Variants in FZD1 observed in about 807,000 individuals in gnomAD.
The protein encoded by FZD1 is frizzled-1.
FZD1 carries 22 observed loss-of-function variants against 48.0 expected under a neutral mutation model. The observed-to-expected ratio is 0.46, with a 90% CI of 0.33 to 0.65. The LOEUF is 0.65. Among genes scored for constraint, FZD1 ranks in the 30% least tolerant of loss-of-function variants. The pLI, the probability that FZD1 is intolerant of heterozygous loss-of-function variation, is 0.02. For missense variants in FZD1, 843 were observed against 898.1 expected, an observed-to-expected ratio of 0.94 and a Z score of 0.78; for synonymous variants, 486 against 409.6, an observed-to-expected ratio of 1.19 and a Z score of -2.25.
Position 91,266,049 on chromosome 7 carries a change from C to T in FZD1, c.1169C>T (p.Ala390Val), listed in dbSNP as rs746987223. Reference sequence around the variant, plus strand: ...AATGACAAGTTCGCCGAGGACGGGGCACGCACTGTGGCGCAGGGCACCAAG... The same window carrying T: ...AATGACAAGTTCGCCGAGGACGGGGTACGCACTGTGGCGCAGGGCACCAAG... ...VCNDKFAEDG[A>V]RTVAQGTKKE... The change falls in exon 1 of 1, where the codon GCA becomes GTA. Residue 390 changes from alanine (A) to valine (V), a missense_variant. Physicochemically the swap from Ala to Val is moderately conservative, Grantham distance 64 (BLOSUM62 0). Around this residue, in one of 2 missense-constraint regions of FZD1, gnomAD observed 353 missense variants for 431.6 expected, o/e 0.82. Transcript: ENST00000287934. This position sits in a 1 kb window ranked among gnomAD's most constrained non-coding sequence, Gnocchi z 6.8. 5.0e-6 allele frequency: 8 copies of T among 1,614,070 alleles called. No homozygotes were observed. In the African/African-American group the frequency reaches 1.1e-4, roughly 22 times the overall value.
rs553283743 is a variant in FZD1 at position 91,266,986 on chromosome 7, G to A, written c.*162G>A. ...CAACTCAGCTCCTGCAAAAGCTTCC[G>A]TCCCTGAGGCAAAAGGACACGAGGG... On this transcript the variant is annotated 3_prime_UTR_variant, in exon 1 of 1. Coordinates refer to ENST00000287934, the MANE Select transcript of FZD1 (RefSeq NM_003505.2). The surrounding 1 kb of genome is among the most constrained non-coding windows in gnomAD (Gnocchi z 6.8). 21 of 588,460 alleles carry A rather than the reference G, an allele frequency of 3.6e-5. No individual in the cohort carries two copies. The East Asian group carries it at 5.7e-4, about 16-fold the overall frequency. The allele number at this position is 588,460 out of a possible 1,614,324, so 36.5% of individuals were successfully genotyped here. A position where few individuals can be genotyped will look rare whatever the true frequency, so the allele number is the denominator to read the frequency against.
Position 91,268,236 on chromosome 7 carries a change from A to T in FZD1, c.*1412A>T, listed in dbSNP as rs145430119. On this transcript the variant is annotated 3_prime_UTR_variant, in exon 1 of 1. Transcript: ENST00000287934. ...CAGCAGCACATTCTGAGGGGGGAAC[A>T]ATTCACACCACCAATAATAACCTGG... 6.0e-6 allele frequency: 1 copy of T among 167,114 alleles called. No individual in the cohort carries two copies. The highest frequency in any genetic ancestry group is 2.4e-5 in the African/African-American group (1 of 41,580). The allele number at this position is 167,114 out of a possible 1,614,324, so 10.4% of individuals were successfully genotyped here.
chr7:91,270,083 G>A lies in FZD1; in HGVS notation c.*3259G>A, dbSNP rs546097721. 50 of 167,094 alleles carry A rather than the reference G, an allele frequency of 3.0e-4. No individual in the cohort carries two copies. The highest frequency in any genetic ancestry group is 1.1e-3 in the African/African-American group (47 of 41,532). 10.4% of individuals were successfully genotyped at this position (167,094 alleles called of 1,614,324 possible). A position where few individuals can be genotyped will look rare whatever the true frequency, so the allele number is the denominator to read the frequency against. ...TTTAATACTGGTGGCAAAATAGGAC[G>A]TGTCTGGAAAACCATAAGGCTACTT... On this transcript the variant is annotated 3_prime_UTR_variant, in exon 1 of 1. Transcript: ENST00000287934.
chr7:91,268,616 A>C lies in FZD1; in HGVS notation c.*1792A>C. 6.0e-6 allele frequency: 1 copy of C among 166,874 alleles called. No homozygotes were observed. The allele number at this position is 166,874 out of a possible 1,614,324, so 10.3% of individuals were successfully genotyped here. Reference sequence around the variant, plus strand: ...AATTTGGTATACATTTATTCTGTTCACTATCACAAAATCATCTATATTTAT... The same window carrying C: ...AATTTGGTATACATTTATTCTGTTCCCTATCACAAAATCATCTATATTTAT... On this transcript the variant is annotated 3_prime_UTR_variant, in exon 1 of 1. Transcript: ENST00000287934.
Position 91,265,035 on chromosome 7 carries a change from C to A in FZD1, c.155C>A (p.Ala52Glu). Residue 52 changes from alanine to glutamate, a missense_variant, in exon 1 of 1, where the codon GCG becomes GAG. This residue lies in a region of FZD1 where 490 missense variants were observed against 466.5 expected (regional missense o/e 1.05). Transcript: ENST00000287934. This position sits in a 1 kb window ranked among gnomAD's most constrained non-coding sequence, Gnocchi z 6.9. The stretch of plus-strand genomic sequence containing the variant: ...CCGCCAGTTGACCCCCGGCGATTGG[C>A]GCGCCAGCTGCTGCTGCTGCTTTGG... ...RRPPVDPRRL[A>E]RQLLLLLWLL... 7.1e-7 allele frequency: 1 copy of A among 1,403,754 alleles called. No homozygotes were observed. The highest frequency in any genetic ancestry group is 1.5e-5 in the South Asian group (1 of 64,854). The allele number at this position is 1,403,754 out of a possible 1,614,324, so 87.0% of individuals were successfully genotyped here.
In FZD1 at chr7:91,266,952, T is replaced by A. The variant is rs536585977; in HGVS notation, c.*128T>A. The stretch of plus-strand genomic sequence containing the variant: ...CACTAGACAACTCTCTTTCGCAGGC[T>A]CCTTTGAACAACTCAGCTCCTGCAA... On this transcript the variant is annotated 3_prime_UTR_variant, in exon 1 of 1. Transcript: ENST00000287934. The surrounding 1 kb of genome is among the most constrained non-coding windows in gnomAD (Gnocchi z 6.8). 4.6e-6 allele frequency: 3 copies of A among 659,092 alleles called. No individual in the cohort carries two copies. In the South Asian group the frequency reaches 5.9e-5, roughly 13 times the overall value. The allele number at this position is 659,092 out of a possible 1,614,324, so 40.8% of individuals were successfully genotyped here.
chr7:91,265,234 C>T lies in FZD1; in HGVS notation c.354C>T (p.Pro118=). The change falls in exon 1 of 1, where the codon CCC becomes CCT. Residue 118 remains proline (P), a synonymous_variant. Coordinates refer to ENST00000287934, the MANE Select transcript of FZD1 (RefSeq NM_003505.2). This position sits in a 1 kb window ranked among gnomAD's most constrained non-coding sequence, Gnocchi z 6.9. ...ISVPDHGYCQ[P]ISIPLCTDIA... ...TCCCGGACCACGGCTATTGCCAGCCCATCTCCATCCCGCTGTGCACGGACA... is the reference window on the plus strand; with the variant it reads ...TCCCGGACCACGGCTATTGCCAGCCTATCTCCATCCCGCTGTGCACGGACA... 6.2e-7 allele frequency: 1 copy of T among 1,614,090 alleles called. No homozygotes were observed. The highest frequency in any genetic ancestry group is 8.5e-7 in the Non-Finnish European group (1 of 1,179,964).
rs1377959136 is a variant in FZD1 at position 91,265,889 on chromosome 7, A to G, written c.1009A>G (p.Thr337Ala). ...SVLCCASTLF[T>A]VLTYLVDMRR... The stretch of plus-strand genomic sequence containing the variant: ...GCTGTGCTGCGCCTCCACGCTCTTC[A>G]CGGTGCTTACGTACCTGGTGGACAT... Residue 337 changes from threonine to alanine, a missense_variant, in exon 1 of 1, where the codon ACG becomes GCG. Physicochemically the swap from Thr to Ala is moderately conservative, Grantham distance 58. Coordinates refer to ENST00000287934, the MANE Select transcript of FZD1 (RefSeq NM_003505.2). The surrounding 1 kb of genome is among the most constrained non-coding windows in gnomAD (Gnocchi z 6.9). 2.5e-6 allele frequency: 4 copies of G among 1,613,924 alleles called. No individual in the cohort carries two copies. The highest frequency in any genetic ancestry group is 2.2e-5 in the East Asian group (1 of 44,870).
At position 91,264,958 on chromosome 7, in the gene FZD1, C is replaced by G. The variant is rs1404673670; in HGVS notation, c.78C>G (p.Leu26=). 10 of 1,358,622 alleles carry G rather than the reference C, an allele frequency of 7.4e-6. No individual in the cohort carries two copies. The highest frequency in any genetic ancestry group is 9.4e-6 in the Non-Finnish European group (10 of 1,059,108). The allele number at this position is 1,358,622 out of a possible 1,614,324, so 84.2% of individuals were successfully genotyped here. A position where few individuals can be genotyped will look rare whatever the true frequency, so the allele number is the denominator to read the frequency against. Residue 26 remains leucine (L), a synonymous_variant, in exon 1 of 1, where the codon CTC becomes CTG. Transcript: ENST00000287934. ...GCTGGGAACTTTGTGCCGGGGCGCT[C>G]TCGGCCCGGCTGGCGGAGGAGGGCA... The part of the protein sequence containing the change: ...GASWELCAGA[L]SARLAEEGSG...
In FZD1 at chr7:91,268,104, C is replaced by T. The variant is rs772898816; in HGVS notation, c.*1280C>T. Reference sequence around the variant, plus strand: ...GATATTTCAGTGTCATGGACTTCCTCAAAATGAAGTGCTATTTTCTTATTT... The same window carrying T: ...GATATTTCAGTGTCATGGACTTCCTTAAAATGAAGTGCTATTTTCTTATTT... On this transcript the variant is annotated 3_prime_UTR_variant, in exon 1 of 1. Coordinates refer to ENST00000287934, the MANE Select transcript of FZD1 (RefSeq NM_003505.2). 4.2e-5 allele frequency: 7 copies of T among 166,990 alleles called. No homozygotes were observed. The highest frequency in any genetic ancestry group is 1.0e-4 in the Non-Finnish European group (7 of 68,118). 10.3% of individuals were successfully genotyped at this position (166,990 alleles called of 1,614,324 possible).
chr7:91,270,420 C>T lies in FZD1; in HGVS notation c.*3596C>T, dbSNP rs1803951296. On this transcript the variant is annotated 3_prime_UTR_variant, in exon 1 of 1. Coordinates refer to ENST00000287934, the MANE Select transcript of FZD1 (RefSeq NM_003505.2). ...TTTTCAGCTTGTCCTATGGTAGTCA[C>T]TTGTCAGCCTGAGTTTACTGGCCTG... The T allele has an allele frequency of 6.0e-6, 1 of 167,038 alleles. No homozygotes were observed. Among genetic ancestry groups the T allele is most frequent in the Admixed American group, 6.5e-5 (1 of 15,282 alleles). 10.3% of individuals were successfully genotyped at this position (167,038 alleles called of 1,614,324 possible).
chr7:91,266,542 C>G lies in FZD1; in HGVS notation c.1662C>G (p.Cys554Trp). ...YTVPATIVIA[C>W]YFYEQAFRDQ... is the part of the protein sequence containing the mutation. ...TGCCAGCCACCATCGTCATCGCCTG[C>G]TACTTCTACGAGCAGGCCTTCCGGG... is the stretch of plus-strand genomic sequence containing the variant. The change falls in exon 1 of 1, where the codon TGC becomes TGG. Residue 554 changes from cysteine to tryptophan, a missense_variant. Physicochemically the swap from Cys to Trp is radical, Grantham distance 215. Coordinates refer to ENST00000287934, the MANE Select transcript of FZD1 (RefSeq NM_003505.2). The surrounding 1 kb of genome is among the most constrained non-coding windows in gnomAD (Gnocchi z 6.8). 1 of 1,614,018 alleles carries G rather than the reference C, an allele frequency of 6.2e-7. No homozygotes were observed. Among genetic ancestry groups the G allele is most frequent in the Non-Finnish European group, 8.5e-7 (1 of 1,180,038 alleles).
chr7:91,265,247 C>G lies in FZD1; in HGVS notation c.367C>G (p.Leu123Val). 2.5e-6 allele frequency: 4 copies of G among 1,614,128 alleles called. No homozygotes were observed. Among genetic ancestry groups the G allele is most frequent in the Non-Finnish European group, 3.4e-6 (4 of 1,179,976 alleles). Reference sequence around the variant, plus strand: ...CTATTGCCAGCCCATCTCCATCCCGCTGTGCACGGACATCGCGTACAACCA... The same window carrying G: ...CTATTGCCAGCCCATCTCCATCCCGGTGTGCACGGACATCGCGTACAACCA... ...HGYCQPISIP[L>V]CTDIAYNQTI... The change falls in exon 1 of 1, where the codon CTG (leucine) becomes GTG (valine). Residue 123 changes from leucine (L) to valine (V), a missense_variant. Physicochemically the swap from Leu to Val is conservative, Grantham distance 32. This residue lies in a region of FZD1 where 490 missense variants were observed against 466.5 expected (regional missense o/e 1.05). Transcript: ENST00000287934. This position sits in a 1 kb window ranked among gnomAD's most constrained non-coding sequence, Gnocchi z 6.9.
Position 91,264,488 on chromosome 7 carries a change from T to C in FZD1, c.-393T>C. The C allele has an allele frequency of 3.4e-6, 1 of 291,940 alleles. No homozygotes were observed. Among genetic ancestry groups the C allele is most frequent in the Non-Finnish European group, 6.3e-6 (1 of 157,528 alleles). 18.1% of individuals were successfully genotyped at this position (291,940 alleles called of 1,614,324 possible). A position where few individuals can be genotyped will look rare whatever the true frequency, so the allele number is the denominator to read the frequency against. The stretch of plus-strand genomic sequence containing the variant: ...GAGCGAGTTGAGGGATTGACACAAA[T>C]GGTCAGGCGGCGGCGGCGGAGAAGG... On this transcript the variant is annotated 5_prime_UTR_variant, in exon 1 of 1. It removes an upstream start codon present in the reference 5' UTR. Transcript: ENST00000287934.
In FZD1 at chr7:91,266,627, C is replaced by T. The variant is rs1405929513; in HGVS notation, c.1747C>T (p.His583Tyr). The change falls in exon 1 of 1, where the codon CAC becomes TAC. Residue 583 changes from histidine to tyrosine, a missense_variant. His to Tyr is a moderately conservative substitution (Grantham distance 83). Transcript: ENST00000287934. The surrounding 1 kb of genome is among the most constrained non-coding windows in gnomAD (Gnocchi z 6.8). ...SCKSYAIPCP[H>Y]LQAGGGAPPH... ...CAAGAGCTACGCTATCCCCTGCCCT[C>T]ACCTCCAGGCGGGCGGAGGCGCCCC... The T allele has an allele frequency of 1.9e-6, 3 of 1,613,094 alleles. No individual in the cohort carries two copies. The highest frequency in any genetic ancestry group is 2.5e-6 in the Non-Finnish European group (3 of 1,179,920).
chr7:91,266,415 C>T lies in FZD1; in HGVS notation c.1535C>T (p.Ser512Leu). Residue 512 changes from serine (S) to leucine (L), a missense_variant, in exon 1 of 1, where the codon TCG becomes TTG. By Grantham distance (145) the Ser-to-Leu change is moderately radical. Transcript: ENST00000287934. This position sits in a 1 kb window ranked among gnomAD's most constrained non-coding sequence, Gnocchi z 6.8. Reference sequence around the variant, plus strand: ...TCCTTTCTGCTGGCCGGCTTTGTGTCGCTCTTCCGCATCCGCACCATCATG... The same window carrying T: ...TCCTTTCTGCTGGCCGGCTTTGTGTTGCTCTTCCGCATCCGCACCATCATG... ...GTSFLLAGFV[S>L]LFRIRTIMKH... 6.2e-7 allele frequency: 1 copy of T among 1,614,182 alleles called. No homozygotes were observed. The highest frequency in any genetic ancestry group is 8.5e-7 in the Non-Finnish European group (1 of 1,180,022).
At position 91,271,017 on chromosome 7, in the gene FZD1, T is replaced by C. The variant is rs960665500; in HGVS notation, c.*4193T>C. 6.0e-6 allele frequency: 1 copy of C among 167,056 alleles called. No homozygotes were observed. Among genetic ancestry groups the C allele is most frequent in the Non-Finnish European group, 1.5e-5 (1 of 68,124 alleles). The allele number at this position is 167,056 out of a possible 1,614,324, so 10.3% of individuals were successfully genotyped here. A position where few individuals can be genotyped will look rare whatever the true frequency, so the allele number is the denominator to read the frequency against. ...TGCAATACTATCTTAAATTGAAGGC[T>C]TTTATTTCAATGTCCTTACATTTAA... On this transcript the variant is annotated 3_prime_UTR_variant, in exon 1 of 1. Coordinates refer to ENST00000287934, the MANE Select transcript of FZD1 (RefSeq NM_003505.2).
At position 91,269,736 on chromosome 7, in the gene FZD1, G is replaced by C. The variant is rs6970297; in HGVS notation, c.*2912G>C. 1 of 166,670 alleles carries C rather than the reference G, an allele frequency of 6.0e-6. No homozygotes were observed. Among genetic ancestry groups the C allele is most frequent in the Admixed American group, 6.5e-5 (1 of 15,278 alleles). The allele number at this position is 166,670 out of a possible 1,614,324, so 10.3% of individuals were successfully genotyped here. A position where few individuals can be genotyped will look rare whatever the true frequency, so the allele number is the denominator to read the frequency against. ...ACATTAACATAATATAGTAGATAGA[G>C]GGTTTATTGTATAGACATACACAAA... On this transcript the variant is annotated 3_prime_UTR_variant, in exon 1 of 1. Transcript: ENST00000287934.
In FZD1 at chr7:91,268,774, C is replaced by T. The variant is rs1803927877; in HGVS notation, c.*1950C>T. ...AGCTTGAGCTGTCTGAACTATTTTA[C>T]ATTTTATGGTGTCTCATAGCCAATC... On this transcript the variant is annotated 3_prime_UTR_variant, in exon 1 of 1. Transcript: ENST00000287934. 1 of 166,722 alleles carries T rather than the reference C, an allele frequency of 6.0e-6. No homozygotes were observed. Among genetic ancestry groups the T allele is most frequent in the Admixed American group, 6.5e-5 (1 of 15,282 alleles). The allele number at this position is 166,722 out of a possible 1,614,324, so 10.3% of individuals were successfully genotyped here.
Sources: allele counts gnomAD v4.1 joint callset, GRCh38; gene constraint gnomAD v4.1.1; regional missense constraint gnomAD v4.1.1; non-coding constraint Gnocchi (gnomAD v3.1); transcripts MANE v1.5; gene names NCBI Gene and HGNC (gene_info 2026-07-23, HGNC 2026-07-21).